ZIM2: variants seen among roughly 807,000 people sequenced by gnomAD.
ZIM2 encodes zinc finger imprinted 2, also known as zinc finger protein 656.
A neutral mutation model predicts 38.6 loss-of-function variants in ZIM2; 14 were observed. The ratio of observed to expected loss-of-function variants is 0.36; its 90% CI spans 0.24 to 0.57. The LOEUF is 0.57. ZIM2 is among the 20% of genes least tolerant of loss of function. The probability of loss-of-function intolerance (pLI) is 0.81; values close to 1 mark genes in which losing one functional copy is unlikely to be tolerated. For missense variants in ZIM2, 680 were observed against 695.1 expected, an observed-to-expected ratio of 0.98 and a Z score of 0.24; for synonymous variants, 247 against 245.8, an observed-to-expected ratio of 1.00 and a Z score of -0.04.
At chr19:56,837,957 A>G (rs917414673) in intron 1 of ZIM2, among the ~76,000 whole-genome samples, 1 of 152,196 alleles carries the variant, frequency 6.6e-6, no homozygotes, top group Non-Finnish European at 1.5e-5. Context: ...GCTCTATCAG[A>G]CAAGACACAC....
chr19:56,786,179 T>A (rs372188160), intron 10 of ZIM2, among the ~76,000 whole-genome samples: 7 of 152,194 alleles, frequency 4.6e-5, no homozygotes, highest in African/African-American at 1.4e-4. Context: ...ATATACTGTG[T>A]ATGTACTGTA....
At chr19:56,780,323 G>C (rs981223233) in intron 11 of ZIM2, among the ~76,000 whole-genome samples, 2 of 149,222 alleles carry the variant, frequency 1.3e-5, no homozygotes, top group African/African-American at 5.0e-5. Flanking sequence ...GCTTACTGCA[G>C]CCTCTGCCTC....
At chr19:56,831,884 T>C (rs2061601282) in intron 2 of ZIM2, among the ~76,000 whole-genome samples, 1 of 152,210 alleles carries the variant, frequency 6.6e-6, no homozygotes, top group Non-Finnish European at 1.5e-5. Context: ...ACACAGAGAA[T>C]GAGAATGTCC....
intron 3 of ZIM2, chr19:56,824,745 T>G: frequency 7.8e-7 from 1 of 1,282,258 alleles, no homozygotes; most frequent in Non-Finnish European, 1.1e-6. Context: ...CAGGGACCTG[T>G]GGATCGTAAG....
intron 12 of ZIM2, among the ~76,000 whole-genome samples, chr19:56,777,227 G>C (rs1340906939): frequency 6.6e-6 from 1 of 152,184 alleles, no homozygotes; most frequent in Non-Finnish European, 1.5e-5. Flanking sequence ...CAGGAAAAGA[G>C]GGATAGCTGG....
At chr19:56,787,307 TCA>T (rs1298159049) in intron 10 of ZIM2, among the ~76,000 whole-genome samples, 1 of 152,162 alleles carries the variant, frequency 6.6e-6, no homozygotes. Context: ...AGATGGAGTC[TCA>T]CTCTCACTCA....
chr19:56,836,356 G>A (rs1189870328), intron 1 of ZIM2, among the ~76,000 whole-genome samples: 2 of 152,118 alleles, frequency 1.3e-5, no homozygotes, highest in African/African-American at 4.8e-5. Flanking sequence ...AATTTCTGGG[G>A]TGTCTTACAA....
chr19:56,828,017 C>A (rs1052239668), intron 2 of ZIM2, among the ~76,000 whole-genome samples: 1 of 151,986 alleles, frequency 6.6e-6, no homozygotes, highest in African/African-American at 2.4e-5. Flanking sequence ...TTTTATTTTA[C>A]CATGAGCATG....
intron 3 of ZIM2, chr19:56,824,637 A>G: frequency 3.1e-6 from 5 of 1,596,860 alleles, no homozygotes; most frequent in Non-Finnish European, 3.4e-6. Context: ...GTGGCAGACA[A>G]GTGCTTTGGA....
Position 56,775,443 on chromosome 19 carries a change from G to A in ZIM2, c.922C>T (p.Leu308Phe). 1 of 1,614,050 alleles carries A rather than the reference G, an allele frequency of 6.2e-7. No individual in the cohort carries two copies. The highest frequency in any genetic ancestry group is 8.5e-7 in the Non-Finnish European group (1 of 1,180,012). ...TPITMNDPKT[L>F]TPERSYGSDE... ...CTGCCATAGCTTCTTTCCGGAGTGAGGGTCTTGGGGTCATTCATTGTTATA... is the reference window on the plus strand; with the variant it reads ...CTGCCATAGCTTCTTTCCGGAGTGAAGGTCTTGGGGTCATTCATTGTTATA... The change falls in exon 13 of 13, where the codon CTC (leucine) becomes TTC (phenylalanine). Residue 308 changes from leucine to phenylalanine, a missense_variant. Transcript: ENST00000629319.
At chr19:56,819,048 C>G (rs148974427) in intron 7 of ZIM2, among the ~76,000 whole-genome samples, 14 of 152,306 alleles carry the variant, frequency 9.2e-5, no homozygotes, top group African/African-American at 2.9e-4. Context: ...AGGGACAGTT[C>G]AGGGTGGGCC....
Position 56,818,710 on chromosome 19 carries a change from A to G in ZIM2, c.295-8T>C. The G allele has an allele frequency of 1.2e-6, 2 of 1,614,112 alleles. No homozygotes were observed. The highest frequency in any genetic ancestry group is 1.7e-6 in the Non-Finnish European group (2 of 1,179,958). ...TTGGTATGATTCAGCATCCTAAAAC[A>G]GCAAACACAGACCTCTCAATGGAGT... On this transcript the variant is annotated splice_polypyrimidine_tract_variant and splice_region_variant and intron_variant, in intron 7 of 12. Transcript: ENST00000629319.
At position 56,789,892 on chromosome 19, in the gene ZIM2, G is replaced by A. The variant is rs1197510471; in HGVS notation, c.550C>T (p.Leu184=). The A allele has an allele frequency of 1.9e-6, 3 of 1,578,350 alleles. No homozygotes were observed. In the Admixed American group the frequency reaches 5.1e-5, roughly 27 times the overall value. ...CTCACCTGGGACCCAGCAGATGGCA[G>A]ATTGTCTAACATCTCTGTGTTCCTC... ...EKRNTEMLDN[L]PSAGSQFPDF... Residue 184 remains leucine (L), a synonymous_variant, in exon 10 of 13, where the codon CTG becomes TTG. Coordinates refer to ENST00000629319, the MANE Select transcript of ZIM2 (RefSeq NM_001387356.1).
intron 9 of ZIM2, chr19:56,811,905 A>ATG: frequency 1.0e-6 from 1 of 984,832 alleles, no homozygotes; most frequent in Non-Finnish European, 1.2e-6. Flanking sequence ...AGATCTGGTG[A>ATG]TATATTAGGA....
chr19:56,840,036 C>T (rs2146782368), intron 1 of ZIM2, among the ~76,000 whole-genome samples: 1 of 152,374 alleles, frequency 6.6e-6, no homozygotes, highest in Admixed American at 6.5e-5. Flanking sequence ...AAGCCCCGCC[C>T]CCAGAGGGTA....
intron 9 of ZIM2, chr19:56,815,600 C>T (rs1207678923): frequency 6.2e-7 from 1 of 1,614,168 alleles, no homozygotes; most frequent in Non-Finnish European, 8.5e-7. Context: ...ACAGAGGTCT[C>T]ATTGCTCCTA....
In ZIM2 at chr19:56,802,079, T is replaced by A. The variant is rs1396465829; in HGVS notation, c.491-12128A>T. Among the ~76,000 whole-genome samples, 5 of 152,234 alleles carry A rather than the reference T, an allele frequency of 3.3e-5. No individual in the cohort carries two copies. In the South Asian group the frequency reaches 1.0e-3, roughly 32 times the overall value. The stretch of plus-strand genomic sequence containing the variant: ...ACTGGAAAAGGGACTGTCTCCTTCA[T>A]GTCTGAAGGGAGGGGGAAGAGGGCA... On this transcript the variant is annotated intron_variant, in intron 9 of 12. Coordinates refer to ENST00000629319, the MANE Select transcript of ZIM2 (RefSeq NM_001387356.1).
intron 9 of ZIM2, among the ~76,000 whole-genome samples, chr19:56,805,765 G>A (rs577652979): frequency 6.6e-6 from 1 of 152,300 alleles, no homozygotes; most frequent in Non-Finnish European, 1.5e-5. Flanking sequence ...GAAAGGCTGA[G>A]GAGGTTTTCC....
At chr19:56,787,594 G>A (rs1260690694) in intron 10 of ZIM2, among the ~76,000 whole-genome samples, 1 of 152,088 alleles carries the variant, frequency 6.6e-6, no homozygotes, top group African/African-American at 2.4e-5. Flanking sequence ...TCAGGATGAT[G>A]CTGGCCTCAT....
Sources: gnomAD v4.1 joint callset for allele counts (sites outside exome capture counted in the v4.1 genomes callset) on GRCh38, gnomAD v4.1.1 for gene constraint, MANE v1.5 for transcripts, NCBI Gene and HGNC (gene_info 2026-07-23, HGNC 2026-07-21) for gene names.